GJC1: variants seen among roughly 807,000 people sequenced by gnomAD.
The protein encoded by GJC1 is gap junction gamma-1 protein.
GJC1 carries 5 observed loss-of-function variants against 29.3 expected under a neutral mutation model. The ratio of observed to expected loss-of-function variants is 0.17; its 90% confidence interval spans 0.09 to 0.36. The LOEUF is 0.36. Among genes scored for constraint, GJC1 ranks in the 10% least tolerant of loss-of-function variants. GJC1 has a pLI of 1.00. For missense variants in GJC1, 310 were observed against 496.2 expected, an observed-to-expected ratio of 0.62 and a Z score of 3.56; for synonymous variants, 177 against 183.3, an observed-to-expected ratio of 0.97 and a Z score of 0.28.
chr17:44,815,658 G>C (rs1319764137), intron 1 of GJC1, among the ~76,000 whole-genome samples: 1 of 151,794 alleles, frequency 6.6e-6, no homozygotes, highest in African/African-American at 2.4e-5. Flanking sequence ...ACCCCTTTGT[G>C]GGTTATTTCC....
At chr17:44,806,401 GTTTTTTTTT>G (rs35152035) in intron 2 of GJC1, among the ~76,000 whole-genome samples, 8 of 122,138 alleles carry the variant, frequency 6.5e-5, no homozygotes, top group East Asian at 2.4e-4. Context: ...TCTTCTGTTT[GTTTTTTTTT>G]TTTTTTTTTG....
intron 1 of GJC1, among the ~76,000 whole-genome samples, chr17:44,823,472 G>C (rs1181265008): frequency 6.6e-6 from 1 of 151,816 alleles, no homozygotes; most frequent in African/African-American, 2.4e-5. Flanking sequence ...GGATGGTCTT[G>C]ATCTCTTGAC....
intron 2 of GJC1, among the ~76,000 whole-genome samples, chr17:44,806,174 G>A (rs2049910803): frequency 6.6e-6 from 1 of 152,074 alleles, no homozygotes; most frequent in East Asian, 1.9e-4. Context: ...TCAGGAGGCT[G>A]AGACAGGAGA....
At chr17:44,795,122 G>A (rs1179158593), downstream of GJC1, 1 of 152,208 alleles carries the variant, frequency 6.6e-6, no homozygotes, top group Non-Finnish European at 1.5e-5. Flanking sequence ...ACTGTAGGAA[G>A]GAGAAATATC....
intron 1 of GJC1, among the ~76,000 whole-genome samples, chr17:44,822,643 CAAAAAAAAA>C (rs11423012): frequency 1.2e-5 from 1 of 80,238 alleles, no homozygotes; most frequent in Non-Finnish European, 2.3e-5. Flanking sequence ...AACTCCATCT[CAAAAAAAAA>C]AAAAAAAAAA....
chr17:44,804,591 A>C lies in GJC1; in HGVS notation c.*36T>G, dbSNP rs533517389. 2.0e-6 allele frequency: 3 copies of C among 1,473,884 alleles called. No homozygotes were observed. Among genetic ancestry groups the C allele is most frequent in the East Asian group, 2.3e-5 (1 of 44,170 alleles). The allele number at this position is 1,473,884 out of a possible 1,614,324, so 91.3% of individuals were successfully genotyped here. ...TATTCAGTGAGCTGCTGCTTACCAT[A>C]AACTATGAAAAGCACAGGTTTTAAG... is the stretch of plus-strand genomic sequence containing the variant. On this transcript the variant is annotated 3_prime_UTR_variant, in exon 3 of 3. Transcript: ENST00000592524.
At position 44,818,130 on chromosome 17, in the gene GJC1, T is replaced by A. The variant is rs145492887; in HGVS notation, c.-96-10661A>T. ...CGGGAGGCTGAGACTGGAGAATCAC[T>A]TGAACCCAGGAGGCAGAGGTTGCAG... On this transcript the variant is annotated intron_variant, in intron 1 of 2. Transcript: ENST00000592524. Among the ~76,000 whole-genome samples the A allele has an allele frequency of 1.1e-4, 16 of 152,012 alleles. No individual in the cohort carries two copies. The East Asian group carries it at 3.1e-3, about 30-fold the overall frequency.
intron 1 of GJC1, among the ~76,000 whole-genome samples, chr17:44,815,016 T>C (rs1245722056): frequency 6.6e-6 from 1 of 151,890 alleles, no homozygotes; most frequent in Admixed American, 6.6e-5. Flanking sequence ...TTGGTTATAG[T>C]GTAGGGGCTG....
At chr17:44,811,905 A>G (rs1387143180) in intron 1 of GJC1, among the ~76,000 whole-genome samples, 1 of 151,856 alleles carries the variant, frequency 6.6e-6, no homozygotes, top group Non-Finnish European at 1.5e-5. Flanking sequence ...TGGGAGGCTG[A>G]GGCAGGAGAA....
chr17:44,812,432 T>C (rs1479867274), intron 1 of GJC1, among the ~76,000 whole-genome samples: 2 of 152,202 alleles, frequency 1.3e-5, no homozygotes, highest in Middle Eastern at 3.2e-3. Flanking sequence ...ATTTATATCC[T>C]ACTGTTCAAG....
At chr17:44,812,483 C>A (rs771139536) in intron 1 of GJC1, among the ~76,000 whole-genome samples, 1 of 152,072 alleles carries the variant, frequency 6.6e-6, no homozygotes, top group Non-Finnish European at 1.5e-5. Context: ...CAAAAAATTG[C>A]AATCTCAGGC....
downstream of GJC1, among the ~76,000 whole-genome samples, chr17:44,796,049 C>T (rs1465978311): frequency 6.6e-6 from 1 of 152,234 alleles, no homozygotes; most frequent in African/African-American, 2.4e-5. Context: ...CATTCTGCTT[C>T]TGCAGGTCGG....
chr17:44,794,178 C>A (rs891811995), downstream of GJC1: 2 of 152,136 alleles, frequency 1.3e-5, no homozygotes, highest in Non-Finnish European at 2.9e-5. Context: ...TGTAACAGTT[C>A]CCACCCTGTA....
intron 1 of GJC1, among the ~76,000 whole-genome samples, chr17:44,825,188 C>CAAAAAAAAAA (rs1162077867): frequency 1.7e-4 from 8 of 45,984 alleles, no homozygotes; most frequent in African/African-American, 4.1e-4. Flanking sequence ...GTCTCAATTA[C>CAAAAAAAAAA]AAAAAAAAAA....
rs1429479821 is a variant in GJC1 at position 44,823,895 on chromosome 17, TAG to T, written c.-97+6165_-97+6166del. On this transcript the variant is annotated intron_variant, in intron 1 of 2. Coordinates refer to ENST00000592524, the MANE Select transcript of GJC1 (RefSeq NM_005497.4). ...CCTGGCTAATTTTTTGTATTTTTAG[TAG>T]AGACGGGGTTTCACGGTGTTAGCCA... Among the ~76,000 whole-genome samples, 6 of 151,602 alleles carry T rather than the reference TAG, an allele frequency of 4.0e-5. No individual in the cohort carries two copies. In the South Asian group the frequency reaches 1.0e-3, roughly 26 times the overall value.
rs1727313073 is a variant in GJC1 at position 44,803,136 on chromosome 17, TA to T, written c.*1490del. 2 of 152,204 alleles carry T rather than the reference TA, an allele frequency of 1.3e-5. No homozygotes were observed. The highest frequency in any genetic ancestry group is 2.9e-5 in the Non-Finnish European group (2 of 68,044). 9.4% of individuals were successfully genotyped at this position (152,204 alleles called of 1,614,324 possible). On this transcript the variant is annotated 3_prime_UTR_variant, in exon 3 of 3. Transcript: ENST00000592524. ...GAGAACTGGCATTTTACAATTAAGA[TA>T]TAAAAAATATTCATACTTTCAGAAT...
chr17:44,826,516 C>T (rs977077115), intron 1 of GJC1, among the ~76,000 whole-genome samples: 5 of 146,454 alleles, frequency 3.4e-5, no homozygotes, highest in Admixed American at 1.4e-4. Flanking sequence ...GGCAATGGAG[C>T]GAGACTCCGT....
Position 44,806,999 on chromosome 17 carries a change from C to A in GJC1, c.-21+395G>T, listed in dbSNP as rs146314658. Among the ~76,000 whole-genome samples the A allele has an allele frequency of 2.0e-5, 3 of 152,212 alleles. No individual in the cohort carries two copies. The East Asian group carries it at 5.8e-4, about 29-fold the overall frequency. Reference sequence around the variant, plus strand: ...TCCCTAGCTAGGCTGCATCGCATACCAGATTTTGGTTTTACTTAGAAGCCC... The same window carrying A: ...TCCCTAGCTAGGCTGCATCGCATACAAGATTTTGGTTTTACTTAGAAGCCC... On this transcript the variant is annotated intron_variant, in intron 2 of 2. Transcript: ENST00000592524.
At chr17:44,827,180 C>T (rs2050185291) in intron 1 of GJC1, among the ~76,000 whole-genome samples, 1 of 152,032 alleles carries the variant, frequency 6.6e-6, no homozygotes, top group Non-Finnish European at 1.5e-5. Context: ...CATGGTGGGG[C>T]ATTCCTGTAA....
Sources: gnomAD v4.1 joint callset for allele counts (sites outside exome capture counted in the v4.1 genomes callset) on GRCh38, gnomAD v4.1.1 for gene constraint, MANE v1.5 for transcripts, NCBI Gene and HGNC (gene_info 2026-07-23, HGNC 2026-07-21) for gene names.